Variants in ANKRD12 observed in about 807,000 individuals in gnomAD.
The protein encoded by ANKRD12 is ankyrin repeat domain 12.
Under a neutral mutation model 183.4 loss-of-function variants are expected in ANKRD12, and 85 were observed. The observed-to-expected ratio is 0.46, with a 90% CI of 0.39 to 0.56. The LOEUF (loss-of-function observed/expected upper bound fraction) is 0.56. Ranked by LOEUF, ANKRD12 falls within the 20% of genes least tolerant of loss-of-function variation. The pLI is 0.00. For synonymous variants in ANKRD12, 914 were observed against 800.2 expected, an observed-to-expected ratio of 1.14 and a Z score of -2.40; for missense variants, 2,405 against 2,357.1, an observed-to-expected ratio of 1.02 and a Z score of -0.42.
At chr18:9,226,617 C>T (rs1034563573) in intron 8 of ANKRD12, among the ~76,000 whole-genome samples, 3 of 151,880 alleles carry the variant, frequency 2.0e-5, no homozygotes, top group African/African-American at 7.3e-5. Context: ...ACCCTTTTCA[C>T]ATCAGAAAGG....
Position 9,258,286 on chromosome 18 carries a change from T to G in ANKRD12, c.5019T>G (p.Pro1673=). 1 of 1,613,744 alleles carries G rather than the reference T, an allele frequency of 6.2e-7. No individual in the cohort carries two copies. The highest frequency in any genetic ancestry group is 8.5e-7 in the Non-Finnish European group (1 of 1,179,902). The change falls in exon 9 of 13, where the codon CCT becomes CCG. Residue 1673 remains proline, a synonymous_variant. Coordinates refer to ENST00000262126, the MANE Select transcript of ANKRD12 (RefSeq NM_015208.5). ...NLNEQDPKHC[P]ESEKCLLSIE... is the part of the protein sequence containing the mutation. Reference sequence around the variant, plus strand: ...ATGAACAAGATCCAAAACATTGTCCTGAAAGTGAAAAGTGTTTGCTTTCCA... The same window carrying G: ...ATGAACAAGATCCAAAACATTGTCCGGAAAGTGAAAAGTGTTTGCTTTCCA...
intron 2 of ANKRD12, among the ~76,000 whole-genome samples, chr18:9,194,627 G>A (rs1224701647): frequency 2.6e-5 from 4 of 152,088 alleles, no homozygotes; most frequent in South Asian, 4.1e-4. Flanking sequence ...ACAGTGCCGG[G>A]ATTAACAGGC....
At chr18:9,190,229 A>C (rs966888607) in intron 2 of ANKRD12, among the ~76,000 whole-genome samples, 1 of 152,230 alleles carries the variant, frequency 6.6e-6, no homozygotes, top group Non-Finnish European at 1.5e-5. Flanking sequence ...AATCAAGTGG[A>C]GCCTGAAGAT....
intron 1 of ANKRD12, among the ~76,000 whole-genome samples, chr18:9,148,753 C>T (rs1233963383): frequency 6.6e-6 from 1 of 152,168 alleles, no homozygotes; most frequent in Non-Finnish European, 1.5e-5. Context: ...TAGGTAATTC[C>T]TCTTAAGTCC....
At chr18:9,157,723 A>G (rs2030823269) in intron 1 of ANKRD12, among the ~76,000 whole-genome samples, 1 of 150,444 alleles carries the variant, frequency 6.6e-6, no homozygotes, top group Admixed American at 6.7e-5. Flanking sequence ...TTGCCTCAGT[A>G]TGTTATGTAT....
At chr18:9,229,958 G>A (rs1179508687) in intron 8 of ANKRD12, among the ~76,000 whole-genome samples, 1 of 152,138 alleles carries the variant, frequency 6.6e-6, no homozygotes. Context: ...TCTGGTTGTG[G>A]AATCAGGGTG....
At chr18:9,146,192 C>T (rs546568996) in intron 1 of ANKRD12, among the ~76,000 whole-genome samples, 34 of 152,176 alleles carry the variant, frequency 2.2e-4, no homozygotes, top group Non-Finnish European at 1.0e-4. Flanking sequence ...ACATTTGCAC[C>T]ATCAGTGACA....
At chr18:9,140,102 A>T (rs528198679) in intron 1 of ANKRD12, among the ~76,000 whole-genome samples, 1 of 152,370 alleles carries the variant, frequency 6.6e-6, no homozygotes, top group Non-Finnish European at 1.5e-5. Flanking sequence ...TATCAGCTGC[A>T]ACTTTAAAAA....
chr18:9,138,018 T>A (rs1267868090), intron 1 of ANKRD12: 2 of 152,234 alleles, frequency 1.3e-5, no homozygotes, highest in Admixed American at 1.3e-4. Context: ...TGGACACCCG[T>A]GGTTAAACTG....
chr18:9,258,149 G>T lies in ANKRD12; in HGVS notation c.4882G>T (p.Val1628Phe). 3.1e-6 allele frequency: 5 copies of T among 1,613,750 alleles called. No individual in the cohort carries two copies. The highest frequency in any genetic ancestry group is 3.4e-6 in the Non-Finnish European group (4 of 1,179,980). Residue 1628 changes from valine (V) to phenylalanine (F), a missense_variant, in exon 9 of 13, where the codon GTC becomes TTC. Val to Phe is a conservative substitution (Grantham distance 50). Coordinates refer to ENST00000262126, the MANE Select transcript of ANKRD12 (RefSeq NM_015208.5). ...EVENSTTDTQ[V>F]ISHEKENKLE... ...TGAGAATAGCACAACTGATACTCAG[G>T]TCATTTCACATGAAAAAGAAAACAA... is the stretch of plus-strand genomic sequence containing the variant.
chr18:9,229,910 A>G (rs1208558261), intron 8 of ANKRD12, among the ~76,000 whole-genome samples: 1 of 151,932 alleles, frequency 6.6e-6, no homozygotes, highest in African/African-American at 2.4e-5. Flanking sequence ...TTCATCAGGG[A>G]TGTTGGCCTA....
chr18:9,272,208 C>G (rs1325405561), intron 10 of ANKRD12, among the ~76,000 whole-genome samples: 1 of 152,134 alleles, frequency 6.6e-6, no homozygotes, highest in African/African-American at 2.4e-5. Context: ...GTCAGGTAAG[C>G]AACATTTATC....
chr18:9,199,958 T>G (rs924258134), intron 3 of ANKRD12, among the ~76,000 whole-genome samples: 2 of 152,200 alleles, frequency 1.3e-5, no homozygotes, highest in East Asian at 3.8e-4. Context: ...GCTTGAATTC[T>G]TGAGATAATG....
Position 9,232,847 on chromosome 18 carries a change from A to ATTT in ANKRD12, c.943+10850_943+10852dup, listed in dbSNP as rs1337633290. The stretch of plus-strand genomic sequence containing the variant: ...TGTCTGGTTAGTTTTGAAAGACCTG[A>ATTT]TTTTGTTGTTGTTGTTGTTTAAGAC... On this transcript the variant is annotated intron_variant, in intron 8 of 12. Coordinates refer to ENST00000262126, the MANE Select transcript of ANKRD12 (RefSeq NM_015208.5). Among the ~76,000 whole-genome samples the ATTT allele has an allele frequency of 1.6e-4, 9 of 55,140 alleles. No homozygotes were observed. The South Asian group carries it at 2.5e-3, about 16-fold the overall frequency. The allele number at this position is 55,140 out of a possible 152,430, so 36.2% of individuals were successfully genotyped here.
intron 8 of ANKRD12, among the ~76,000 whole-genome samples, chr18:9,244,089 G>A (rs1215660304): frequency 1.3e-5 from 2 of 152,158 alleles, no homozygotes; most frequent in East Asian, 1.9e-4. Context: ...AGCCGAGGTC[G>A]CACCACTGCG....
intron 8 of ANKRD12, among the ~76,000 whole-genome samples, chr18:9,238,594 A>AG: frequency 6.6e-6 from 1 of 152,322 alleles, no homozygotes; most frequent in East Asian, 1.9e-4. Context: ...ATTATTCAAC[A>AG]GCTGTTTTTG....
chr18:9,194,327 T>TTTTA (rs139857271), intron 2 of ANKRD12, among the ~76,000 whole-genome samples: 12,882 of 144,456 alleles, frequency 0.089, 915 homozygotes, highest in East Asian at 0.23. Flanking sequence ...ATATAGATAA[T>TTTTA]TTTATTTATT....
At chr18:9,191,390 A>G (rs1320704925) in intron 2 of ANKRD12, among the ~76,000 whole-genome samples, 1 of 152,238 alleles carries the variant, frequency 6.6e-6, no homozygotes, top group Admixed American at 6.5e-5. Context: ...AGTAGTTAGC[A>G]GTTATGATAG....
chr18:9,250,863 T>A (rs2038251140), intron 8 of ANKRD12, among the ~76,000 whole-genome samples: 1 of 152,210 alleles, frequency 6.6e-6, no homozygotes, highest in South Asian at 2.1e-4. Flanking sequence ...GAATACTGAC[T>A]TTAAGCAGTA....
Sources: gnomAD v4.1 joint callset for allele counts (sites outside exome capture counted in the v4.1 genomes callset) on GRCh38, gnomAD v4.1.1 for gene constraint, MANE v1.5 for transcripts, NCBI Gene and HGNC (gene_info 2026-07-23, HGNC 2026-07-21) for gene names.